CUL9: variants seen among roughly 807,000 people sequenced by gnomAD.
The protein encoded by CUL9 is cullin-9.
CUL9 carries 79 observed loss-of-function variants against 272.6 expected under a neutral mutation model. The observed-to-expected ratio is 0.29, with a 90% CI of 0.24 to 0.35. The LOEUF (loss-of-function observed/expected upper bound fraction) is 0.35. CUL9 is among the 10% of genes least tolerant of loss of function. The probability of loss-of-function intolerance (pLI) is 1.00; values close to 1 mark genes in which losing one functional copy is unlikely to be tolerated. For synonymous variants in CUL9, 1,186 were observed against 1,286.5 expected, an observed-to-expected ratio of 0.92 and a Z score of 1.67; for missense variants, 2,532 against 3,255.6, an observed-to-expected ratio of 0.78 and a Z score of 5.41.
rs566445915 is a variant in CUL9 at position 43,194,298 on chromosome 6, TTTTTTTC to T, written c.2388+1109_2388+1115del. Among the ~76,000 whole-genome samples the T allele has an allele frequency of 2.6e-3, 388 of 152,146 alleles. 2 individuals carry two copies. Among genetic ancestry groups the T allele is most frequent in the African/African-American group, 7.5e-3 (310 of 41,524 alleles). ...TTTCTTTTCTCTTCTCTTTTCTCTTTTTTTTTCTTTTTTCTTTTTTCTTTTCTTTTCT... is the reference window on the plus strand; with the variant it reads ...TTTCTTTTCTCTTCTCTTTTCTCTTTTTTTTTCTTTTTTCTTTTCTTTTCT... On this transcript the variant is annotated intron_variant, in intron 9 of 40. Coordinates refer to ENST00000252050, the MANE Select transcript of CUL9 (RefSeq NM_015089.4).
intron 8 of CUL9, among the ~76,000 whole-genome samples, chr6:43,192,417 G>C (rs1470796605): frequency 6.6e-6 from 1 of 152,092 alleles, no homozygotes; most frequent in Non-Finnish European, 1.5e-5. Flanking sequence ...AAACCTTTTA[G>C]GCCAGCACTT....
At chr6:43,212,421 C>T (rs1184163797) in intron 26 of CUL9, among the ~76,000 whole-genome samples, 2 of 152,104 alleles carry the variant, frequency 1.3e-5, no homozygotes, top group African/African-American at 4.8e-5. Flanking sequence ...CATGTATTAG[C>T]TGGAATGCTT....
intron 11 of CUL9, 39 bp from the exon 12 acceptor site, chr6:43,198,570 C>T: frequency 6.2e-7 from 1 of 1,608,040 alleles, no homozygotes; most frequent in Non-Finnish European, 8.5e-7. Flanking sequence ...TGGTAAGACT[C>T]TTCATCCACA....
rs772838634 is a variant in CUL9 at position 43,187,005 on chromosome 6, A to G, written c.1297A>G (p.Met433Val). 11 of 1,614,014 alleles carry G rather than the reference A, an allele frequency of 6.8e-6. No individual in the cohort carries two copies. Among genetic ancestry groups the G allele is most frequent in the African/African-American group, 5.3e-5 (4 of 74,918 alleles). The part of the protein sequence containing the change: ...TGRTYWVHWH[M>V]LEILGPEEAT... ...CCGCACTTACTGGGTGCACTGGCACATGCTGGAGATCCTGGGCCCTGAGGA... is the reference window on the plus strand; with the variant it reads ...CCGCACTTACTGGGTGCACTGGCACGTGCTGGAGATCCTGGGCCCTGAGGA... The change falls in exon 5 of 41, where the codon ATG (methionine) becomes GTG (valine). Residue 433 changes from methionine to valine, a missense_variant. Physicochemically the swap from Met to Val is conservative, Grantham distance 21 (BLOSUM62 1). Around this residue, in one of 3 missense-constraint regions of CUL9, gnomAD observed 2,218 missense variants for 2,788.6 expected, o/e 0.80. Coordinates refer to ENST00000252050, the MANE Select transcript of CUL9 (RefSeq NM_015089.4).
At chr6:43,197,549 T>G (rs906782139) in intron 11 of CUL9, among the ~76,000 whole-genome samples, 36 of 151,924 alleles carry the variant, frequency 2.4e-4, no homozygotes, top group Non-Finnish European at 4.0e-4. Flanking sequence ...AGTTGCACGA[T>G]CTCTGCTCAC....
chr6:43,185,498 G>T lies in CUL9; in HGVS notation c.638G>T (p.Gly213Val), dbSNP rs111962935. ...CTTCTATCACTGAGCCAGCAAGATG[G>T]CATCGAGCAGCACATGGATTTTGAC... ...HVLLSLSQQD[G>V]IEQHMDFDSR... is the part of the protein sequence containing the mutation. Residue 213 changes from glycine to valine, a missense_variant, in exon 3 of 41, where the codon GGC becomes GTC. Around this residue, in one of 3 missense-constraint regions of CUL9, gnomAD observed 2,218 missense variants for 2,788.6 expected, o/e 0.80. Coordinates refer to ENST00000252050, the MANE Select transcript of CUL9 (RefSeq NM_015089.4). 7 of 1,613,788 alleles carry T rather than the reference G, an allele frequency of 4.3e-6. No individual in the cohort carries two copies. In the East Asian group the frequency reaches 1.6e-4, roughly 36 times the overall value.
intron 9 of CUL9, among the ~76,000 whole-genome samples, chr6:43,194,421 C>T (rs910454981): frequency 5.3e-5 from 8 of 151,874 alleles, no homozygotes; most frequent in Admixed American, 2.0e-4. Flanking sequence ...CGAGTTCAAG[C>T]GATTCTCCCG....
In CUL9 at chr6:43,223,167, C is replaced by T. The variant is rs1776510460; in HGVS notation, c.7151-97C>T. ...AGCTTCATGAGAATGTCTAGAGCTG[C>T]ACCTGGTGCTTGGTAGACGTTCCAT... is the stretch of plus-strand genomic sequence containing the variant. On this transcript the variant is annotated intron_variant, in intron 38 of 40. Transcript: ENST00000252050. This position sits in a 1 kb window ranked among gnomAD's most constrained non-coding sequence, Gnocchi z 4.1. The T allele has an allele frequency of 6.9e-7, 1 of 1,452,082 alleles. No individual in the cohort carries two copies. The highest frequency in any genetic ancestry group is 9.3e-7 in the Non-Finnish European group (1 of 1,080,356). The allele number at this position is 1,452,082 out of a possible 1,614,324, so 89.9% of individuals were successfully genotyped here. A position where few individuals can be genotyped will look rare whatever the true frequency, so the allele number is the denominator to read the frequency against.
intron 36 of CUL9, 53 bp downstream of exon 36, chr6:43,222,443 TGGGGTGGA>T: frequency 3.8e-6 from 2 of 526,470 alleles, no homozygotes; most frequent in Non-Finnish European, 6.2e-6. Flanking sequence ...GTTGGGGTGG[TGGGGTGGA>T]GGGGGGTGGG....
rs1776586718 is a variant in CUL9, at chr6:43,223,882, A to G, written c.7285-213A>G. 3.4e-6 allele frequency: 2 copies of G among 595,636 alleles called. No homozygotes were observed. The highest frequency in any genetic ancestry group is 5.8e-5 in the Admixed American group (2 of 34,252). 36.9% of individuals were successfully genotyped at this position (595,636 alleles called of 1,614,324 possible). A position where few individuals can be genotyped will look rare whatever the true frequency, so the allele number is the denominator to read the frequency against. On this transcript the variant is annotated intron_variant, in intron 39 of 40. Transcript: ENST00000252050. This position sits in a 1 kb window ranked among gnomAD's most constrained non-coding sequence, Gnocchi z 4.1. ...AAGACATAGATTCTGTAAGCTCTTT[A>G]AGCACAGGGTCGTGTGCCTCACCTG...
chr6:43,204,875 G>GA lies in CUL9; in HGVS notation c.4449+20dup. The GA allele has an allele frequency of 6.2e-7, 1 of 1,613,910 alleles. No individual in the cohort carries two copies. Among genetic ancestry groups the GA allele is most frequent in the South Asian group, 1.1e-5 (1 of 91,058 alleles). On this transcript the variant is annotated intron_variant, in intron 22 of 40. Transcript: ENST00000252050. ...AGGAGCAGGTGGGCAGAAGCAAGCA[G>GA]AAGTCTGCAGAGGGGAGGGGCTGCT...
rs1775021370 is a variant in CUL9 at position 43,206,061 on chromosome 6, T to C, written c.4848T>C (p.Ala1616=). 1 of 1,614,168 alleles carries C rather than the reference T, an allele frequency of 6.2e-7. No individual in the cohort carries two copies. The highest frequency in any genetic ancestry group is 1.3e-5 in the African/African-American group (1 of 75,026). ...TTGGTTCGAGCTGGCTGGAGGGGGCTGTGCTAGAGCAGATTGGCCTCTGTT... is the reference window on the plus strand; with the variant it reads ...TTGGTTCGAGCTGGCTGGAGGGGGCCGTGCTAGAGCAGATTGGCCTCTGTT... ...LSFGSSWLEG[A]VLEQIGLCFP... is the part of the protein sequence containing the mutation. Residue 1616 remains alanine (A), a synonymous_variant, in exon 25 of 41, where the codon GCT becomes GCC. Transcript: ENST00000252050. This position sits in a 1 kb window ranked among gnomAD's most constrained non-coding sequence, Gnocchi z 4.8.
rs1451376545 is a variant in CUL9, at chr6:43,184,161, G to T, written c.-9-141G>T. Reference sequence around the variant, plus strand: ...AGCTATTTATTCCATCCTATTTTTTGCCTTTTCTGTTTGGCCTCCTAAATT... The same window carrying T: ...AGCTATTTATTCCATCCTATTTTTTTCCTTTTCTGTTTGGCCTCCTAAATT... On this transcript the variant is annotated intron_variant, in intron 1 of 40. Coordinates refer to ENST00000252050, the MANE Select transcript of CUL9 (RefSeq NM_015089.4). The surrounding 1 kb of genome is among the most constrained non-coding windows in gnomAD (Gnocchi z 4.8). 1 of 511,654 alleles carries T rather than the reference G, an allele frequency of 2.0e-6. No homozygotes were observed. Among genetic ancestry groups the T allele is most frequent in the Non-Finnish European group, 3.3e-6 (1 of 299,120 alleles). 31.7% of individuals were successfully genotyped at this position (511,654 alleles called of 1,614,324 possible).
Position 43,221,505 on chromosome 6 carries a change from C to A in CUL9, c.6753-180C>A. On this transcript the variant is annotated intron_variant, in intron 34 of 40. Coordinates refer to ENST00000252050, the MANE Select transcript of CUL9 (RefSeq NM_015089.4). This position sits in a 1 kb window ranked among gnomAD's most constrained non-coding sequence, Gnocchi z 4.2. The stretch of plus-strand genomic sequence containing the variant: ...ATGTTCCTTCTCCCACTCGTAAGTC[C>A]ACACTGACTGGGGGAGTTCAAAAGC... 2.3e-6 allele frequency: 2 copies of A among 881,804 alleles called. No homozygotes were observed. Among genetic ancestry groups the A allele is most frequent in the Non-Finnish European group, 3.4e-6 (2 of 585,380 alleles). The allele number at this position is 881,804 out of a possible 1,614,324, so 54.6% of individuals were successfully genotyped here. A position where few individuals can be genotyped will look rare whatever the true frequency, so the allele number is the denominator to read the frequency against.
intron 20 of CUL9, 146 bp downstream of exon 20, chr6:43,204,133 A>G (rs1774859105): frequency 3.5e-6 from 4 of 1,145,154 alleles, no homozygotes; most frequent in Non-Finnish European, 4.9e-6. Context: ...TTCCTGCCCC[A>G]GGCACTGCTC....
At position 43,191,017 on chromosome 6, in the gene CUL9, T is replaced by C. The variant is rs1352303889; in HGVS notation, c.2181-1984T>C. On this transcript the variant is annotated intron_variant, in intron 8 of 40. Coordinates refer to ENST00000252050, the MANE Select transcript of CUL9 (RefSeq NM_015089.4). Reference sequence around the variant, plus strand: ...TCATCATGCTAGAGTTTCAGACTTTTTGTTGCTACATTTTTCAGCTTTTTT... The same window carrying C: ...TCATCATGCTAGAGTTTCAGACTTTCTGTTGCTACATTTTTCAGCTTTTTT... Among the ~76,000 whole-genome samples the C allele has an allele frequency of 3.1e-4, 47 of 152,220 alleles. 1 individual carries two copies. Among genetic ancestry groups the C allele is most frequent in the Non-Finnish European group, 5.9e-5 (4 of 68,044 alleles).
In CUL9 at chr6:43,204,830, G is replaced by C. The variant is rs1293074515; in HGVS notation, c.4422G>C (p.Gln1474His). ...LPSSSLRNIT[Q>H]CWLSVVQEQV... ...GCAGCAGCCTGAGGAACATAACCCA[G>C]TGCTGGCTGAGCGTGGTGCAGGAGC... The change falls in exon 22 of 41, where the codon CAG becomes CAC. Residue 1474 changes from glutamine to histidine, a missense_variant. Transcript: ENST00000252050. 6.2e-7 allele frequency: 1 copy of C among 1,614,106 alleles called. No individual in the cohort carries two copies. Among genetic ancestry groups the C allele is most frequent in the African/African-American group, 1.3e-5 (1 of 74,942 alleles).
Position 43,213,274 on chromosome 6 carries a change from C to T in CUL9, c.5338C>T (p.Leu1780=), listed in dbSNP as rs1170890850. 1 of 1,613,574 alleles carries T rather than the reference C, an allele frequency of 6.2e-7. No individual in the cohort carries two copies. The highest frequency in any genetic ancestry group is 8.5e-7 in the Non-Finnish European group (1 of 1,179,908). The change falls in exon 27 of 41, where the codon CTG becomes TTG. Residue 1780 remains leucine, a synonymous_variant. Transcript: ENST00000252050. This position sits in a 1 kb window ranked among gnomAD's most constrained non-coding sequence, Gnocchi z 5.7. ...GTCCACCGTGCAGATGTGGCTGCTG[C>T]TGAAATTCAATCAGACAGAGGTGCT... ...HVSTVQMWLL[L]KFNQTEEVSV...
chr6:43,223,669 T>TG lies in CUL9; in HGVS notation c.7284+276dup, dbSNP rs1776568371. On this transcript the variant is annotated intron_variant, in intron 39 of 40. Coordinates refer to ENST00000252050, the MANE Select transcript of CUL9 (RefSeq NM_015089.4). This position sits in a 1 kb window ranked among gnomAD's most constrained non-coding sequence, Gnocchi z 4.1. ...TGGTCAGGTGCCTATCAGAATCACT[T>TG]GGGGAACTTTTCCAGACTGTACTTC... The TG allele has an allele frequency of 1.8e-6, 1 of 542,172 alleles. No individual in the cohort carries two copies. Among genetic ancestry groups the TG allele is most frequent in the Non-Finnish European group, 3.3e-6 (1 of 303,802 alleles). The allele number at this position is 542,172 out of a possible 1,614,324, so 33.6% of individuals were successfully genotyped here.
Sources: allele counts gnomAD v4.1 joint callset (sites outside exome capture counted in the v4.1 genomes callset), GRCh38; gene constraint gnomAD v4.1.1; regional missense constraint gnomAD v4.1.1; non-coding constraint Gnocchi (gnomAD v3.1); transcripts MANE v1.5; gene names NCBI Gene and HGNC (gene_info 2026-07-23, HGNC 2026-07-21).